Variants in NALF1 observed in about 807,000 individuals in gnomAD.
NALF1 encodes the protein family with sequence similarity 155 member A.
Under a neutral mutation model 48.4 loss-of-function variants are expected in NALF1, and 3 were observed. The ratio of observed to expected loss-of-function variants is 0.06; its 90% CI spans 0.03 to 0.16. The LOEUF (loss-of-function observed/expected upper bound fraction) is 0.16, where lower values mean the gene tolerates loss of function less well. Ranked by LOEUF, NALF1 falls within the 10% of genes least tolerant of loss-of-function variation. The probability of loss-of-function intolerance (pLI) is 1.00; values close to 1 mark genes in which losing one functional copy is unlikely to be tolerated. For synonymous variants in NALF1, 262 were observed against 245.7 expected (o/e 1.07, Z -0.62); for missense variants, 526 against 571.5 (o/e 0.92, Z 0.81).
intron 1 of NALF1, among the ~76,000 whole-genome samples, chr13:107,711,207 T>G (rs1357566227): frequency 3.9e-5 from 6 of 152,198 alleles, no homozygotes; most frequent in African/African-American, 1.4e-4. Flanking sequence ...ATCTTTCATG[T>G]CACAGTGTTA....
chr13:107,676,275 G>A (rs1204091028), intron 1 of NALF1, among the ~76,000 whole-genome samples: 2 of 152,142 alleles, frequency 1.3e-5, no homozygotes, highest in East Asian at 3.9e-4. Flanking sequence ...GAGTCATATA[G>A]ACTTAGGTCC....
chr13:107,753,228 C>A (rs1268006465), intron 1 of NALF1, among the ~76,000 whole-genome samples: 1 of 152,182 alleles, frequency 6.6e-6, no homozygotes, highest in African/African-American at 2.4e-5. Flanking sequence ...AGATTCCAAA[C>A]TTCTTCAAGT....
intron 1 of NALF1, among the ~76,000 whole-genome samples, chr13:107,338,384 T>C (rs191348587): frequency 8.8e-4 from 134 of 151,494 alleles, no homozygotes; most frequent in Non-Finnish European, 1.5e-3. Context: ...TTAGCAACAA[T>C]GTGATTTTAG....
chr13:107,521,180 G>A (rs1406229342), intron 1 of NALF1, among the ~76,000 whole-genome samples: 1 of 152,050 alleles, frequency 6.6e-6, no homozygotes, highest in African/African-American at 2.4e-5. Context: ...ATAAAGAAAT[G>A]CATCCATGAG....
chr13:107,796,476 T>G (rs1176440251), intron 1 of NALF1, among the ~76,000 whole-genome samples: 2 of 152,222 alleles, frequency 1.3e-5, no homozygotes, highest in Non-Finnish European at 2.9e-5. Flanking sequence ...TGAGATGTAT[T>G]TAATATCACT....
At chr13:107,430,877 T>G (rs1884368333) in intron 1 of NALF1, among the ~76,000 whole-genome samples, 1 of 152,298 alleles carries the variant, frequency 6.6e-6, no homozygotes, top group East Asian at 1.9e-4. Flanking sequence ...ATCGCCACAC[T>G]GACTTCCACA....
intron 1 of NALF1, among the ~76,000 whole-genome samples, chr13:107,249,429 A>C (rs9587326): frequency 0.13 from 19,159 of 152,106 alleles, 1,575 homozygotes; most frequent in East Asian, 0.4. Flanking sequence ...TAAAATTGCA[A>C]AAGAAAATGC....
rs562202578 is a variant in NALF1, at chr13:107,721,299, G to A, written c.915+144383C>T. On this transcript the variant is annotated intron_variant, in intron 1 of 2. Transcript: ENST00000375915. ...CTAGGGGACAAAAACATCATCTTCC[G>A]CCAGCACCCAGCAACAAGGAATATC... 6.6e-5 allele frequency among the ~76,000 whole-genome samples: 10 copies of A among 152,040 alleles called. No individual in the cohort carries two copies. The South Asian group carries it at 1.3e-3, about 19-fold the overall frequency.
At chr13:107,621,634 T>C (rs1879519644) in intron 1 of NALF1, among the ~76,000 whole-genome samples, 1 of 152,200 alleles carries the variant, frequency 6.6e-6, no homozygotes, top group Non-Finnish European at 1.5e-5. Flanking sequence ...GTATTCTCGT[T>C]CCTTAGGGAC....
intron 1 of NALF1, among the ~76,000 whole-genome samples, chr13:107,547,772 C>G (rs1877174480): frequency 6.6e-6 from 1 of 152,124 alleles, no homozygotes; most frequent in Non-Finnish European, 1.5e-5. Context: ...TAATTACCCA[C>G]TTCTCTTAAA....
intron 1 of NALF1, among the ~76,000 whole-genome samples, chr13:107,430,678 T>C (rs1055115278): frequency 1.3e-5 from 2 of 152,228 alleles, no homozygotes; most frequent in African/African-American, 4.8e-5. Flanking sequence ...ATGTGCCACA[T>C]TTTCTTAATC....
intron 1 of NALF1, among the ~76,000 whole-genome samples, chr13:107,435,075 G>A (rs1408003950): frequency 6.6e-6 from 1 of 151,968 alleles, no homozygotes; most frequent in Non-Finnish European, 1.5e-5. Context: ...TTCTATGATG[G>A]GTTTAGTAAG....
chr13:107,298,124 T>C (rs1881759064), intron 1 of NALF1, among the ~76,000 whole-genome samples: 1 of 151,460 alleles, frequency 6.6e-6, no homozygotes, highest in Non-Finnish European at 1.5e-5. Flanking sequence ...CCAAGGCGGG[T>C]GGAACACGAG....
At chr13:107,554,969 G>A (rs556917768) in intron 1 of NALF1, among the ~76,000 whole-genome samples, 8 of 152,068 alleles carry the variant, frequency 5.3e-5, no homozygotes, top group South Asian at 2.1e-4. Context: ...TAACCTGTCC[G>A]GGGAGGCCTC....
intron 1 of NALF1, among the ~76,000 whole-genome samples, chr13:107,367,665 T>G (rs1467837579): frequency 6.6e-6 from 1 of 152,168 alleles, no homozygotes; most frequent in Admixed American, 6.5e-5. Flanking sequence ...CTGGAAGGGC[T>G]ACACGGGCAG....
intron 1 of NALF1, among the ~76,000 whole-genome samples, chr13:107,377,131 C>A (rs913811709): frequency 2.6e-5 from 4 of 152,218 alleles, no homozygotes; most frequent in Admixed American, 1.3e-4. Context: ...TCCCACCCCA[C>A]CCCCAGTGAA....
chr13:107,819,410 T>G (rs1271832871), intron 1 of NALF1, among the ~76,000 whole-genome samples: 1 of 152,208 alleles, frequency 6.6e-6, no homozygotes, highest in Non-Finnish European at 1.5e-5. Context: ...AACTGTGTCA[T>G]CTTTTTTCCA....
At chr13:107,241,732 T>G (rs1880475684) in intron 1 of NALF1, among the ~76,000 whole-genome samples, 1 of 152,230 alleles carries the variant, frequency 6.6e-6, no homozygotes, top group Non-Finnish European at 1.5e-5. Context: ...CTGTAGGATC[T>G]TGTTAACATC....
chr13:107,207,801 G>A (rs1265353452), intron 2 of NALF1, among the ~76,000 whole-genome samples: 1 of 152,156 alleles, frequency 6.6e-6, no homozygotes, highest in Non-Finnish European at 1.5e-5. Flanking sequence ...GCACATAACT[G>A]TGTCTGGCTA....
Sources: gnomAD v4.1 joint callset for allele counts (sites outside exome capture counted in the v4.1 genomes callset) on GRCh38, gnomAD v4.1.1 for gene constraint, MANE v1.5 for transcripts, NCBI Gene and HGNC (gene_info 2026-07-23, HGNC 2026-07-21) for gene names.